The following RBBP5 variants were observed in gnomAD, a reference collection of about 807,000 sequenced individuals.
The protein encoded by RBBP5 is RB binding protein 5, histone lysine methyltransferase complex subunit.
In RBBP5, 5 loss-of-function variants were observed where a neutral mutation model predicts 72.2. The observed-to-expected ratio is 0.07, with a 90% CI of 0.04 to 0.15. The LOEUF is 0.15. Among genes scored for constraint, RBBP5 ranks in the 10% least tolerant of loss-of-function variants. The probability of loss-of-function intolerance (pLI) is 1.00; values close to 1 mark genes in which losing one functional copy is unlikely to be tolerated. For synonymous variants in RBBP5, 209 were observed against 237.2 expected (o/e 0.88, Z 1.09); for missense variants, 322 against 652.2 (o/e 0.49, Z 5.51).
chr1:205,121,593 G>T (rs906017885), intron 1 of RBBP5, among the ~76,000 whole-genome samples: 5 of 152,078 alleles, frequency 3.3e-5, no homozygotes, highest in Non-Finnish European at 7.4e-5. Context: ...CAACACCTGC[G>T]ATCCTCATAA....
chr1:205,117,426 T>C (rs61822615), intron 1 of RBBP5, among the ~76,000 whole-genome samples: 151,792 of 151,808 alleles, frequency 1, 75,888 homozygotes, highest in Middle Eastern at 1. Flanking sequence ...TTTGGGAAGC[T>C]GAGGCAGGTG....
chr1:205,113,053 A>G (rs1656380185), intron 3 of RBBP5, among the ~76,000 whole-genome samples: 1 of 152,108 alleles, frequency 6.6e-6, no homozygotes, highest in Non-Finnish European at 1.5e-5. Flanking sequence ...TCAAGGTTGC[A>G]GTGAACTGTG....
chr1:205,117,998 C>CGG (rs1243157687), intron 1 of RBBP5, among the ~76,000 whole-genome samples: 1 of 151,702 alleles, frequency 6.6e-6, no homozygotes, highest in Non-Finnish European at 1.5e-5. Flanking sequence ...TTAGTAGAGA[C>CGG]GGGGTTTCAC....
At chr1:205,121,652 T>A (rs1656740440) in intron 1 of RBBP5, among the ~76,000 whole-genome samples, 1 of 152,160 alleles carries the variant, frequency 6.6e-6, no homozygotes, top group South Asian at 2.1e-4. Flanking sequence ...ATAATTGATA[T>A]GAAAGTGGCC....
rs1444826269 is a variant in RBBP5 at position 205,099,385 on chromosome 1, A to G, written c.979-279T>C. The stretch of plus-strand genomic sequence containing the variant: ...AGGTAAAATGTTAAATTTTCTTGTA[A>G]GTACACTGATTACAAACATAATTTA... On this transcript the variant is annotated intron_variant, in intron 9 of 13. Transcript: ENST00000264515. The surrounding 1 kb of genome is among the most constrained non-coding windows in gnomAD (Gnocchi z 4.7). Among the ~76,000 whole-genome samples, 1 of 152,228 alleles carries G rather than the reference A, an allele frequency of 6.6e-6. No individual in the cohort carries two copies. Among genetic ancestry groups the G allele is most frequent in the Non-Finnish European group, 1.5e-5 (1 of 68,048 alleles).
At chr1:205,092,966 G>A (rs1655409322) in intron 13 of RBBP5, among the ~76,000 whole-genome samples, 1 of 152,174 alleles carries the variant, frequency 6.6e-6, no homozygotes, top group African/African-American at 2.4e-5. Flanking sequence ...AATTAATTAT[G>A]TTTGGCCACA....
chr1:205,097,411 A>G lies in RBBP5; in HGVS notation c.1097-16T>C. 1 of 1,551,786 alleles carries G rather than the reference A, an allele frequency of 6.4e-7. No homozygotes were observed. Among genetic ancestry groups the G allele is most frequent in the Non-Finnish European group, 8.7e-7 (1 of 1,146,858 alleles). ...GCATCAGCCCCTGCAGGACAGAAAC[A>G]CAGGAGATGTTTGAGAAGAAGTGAA... On this transcript the variant is annotated splice_polypyrimidine_tract_variant and intron_variant, in intron 10 of 13. Coordinates refer to ENST00000264515, the MANE Select transcript of RBBP5 (RefSeq NM_005057.4).
At chr1:205,093,339 T>A (rs1178494050) in intron 13 of RBBP5, among the ~76,000 whole-genome samples, 2 of 148,912 alleles carry the variant, frequency 1.3e-5, no homozygotes, top group African/African-American at 5.0e-5. Flanking sequence ...TGCACGCCTG[T>A]AATCCCAGCT....
At chr1:205,115,107 T>A in intron 2 of RBBP5, 146 bp from the exon 3 acceptor site, 1 of 792,800 alleles carries the variant, frequency 1.3e-6, no homozygotes, top group Non-Finnish European at 2.0e-6. Flanking sequence ...TTCTTATATC[T>A]ATTAAAATAG....
intron 1 of RBBP5, 69 bp from the exon 2 acceptor site, chr1:205,115,952 A>T (rs748914431): frequency 6.2e-7 from 1 of 1,613,692 alleles, no homozygotes; most frequent in Non-Finnish European, 8.5e-7. Flanking sequence ...ACTCACGAAC[A>T]GTGTATAGCA....
chr1:205,121,945 G>A lies in RBBP5; in HGVS notation c.-72C>T. 3.1e-6 allele frequency: 5 copies of A among 1,599,488 alleles called. No individual in the cohort carries two copies. The highest frequency in any genetic ancestry group is 1.1e-5 in the South Asian group (1 of 90,884). On this transcript the variant is annotated 5_prime_UTR_variant, in exon 1 of 14. Coordinates refer to ENST00000264515, the MANE Select transcript of RBBP5 (RefSeq NM_005057.4). ...TCTCCCCGGCCGGCTTCAGCAACTT[G>A]CGTCTAAGTGGTGGACGCCGCGAAG...
chr1:205,097,180 A>T, intron 11 of RBBP5, 146 bp downstream of exon 11: 3 of 825,698 alleles, frequency 3.6e-6, no homozygotes, highest in South Asian at 3.6e-5. Context: ...GAAAGGCTAC[A>T]TTGGATTTCT....
chr1:205,095,804 CAT>C (rs1276984109), intron 12 of RBBP5, among the ~76,000 whole-genome samples: 4 of 152,142 alleles, frequency 2.6e-5, no homozygotes, highest in African/African-American at 9.7e-5. Context: ...AGCAATGGTA[CAT>C]ATACCAAACA....
At chr1:205,115,983 G>T (rs1321171300) in intron 1 of RBBP5, 100 bp from the exon 2 acceptor site, 2 of 1,611,622 alleles carry the variant, frequency 1.2e-6, no homozygotes, top group Middle Eastern at 1.7e-4. Flanking sequence ...AAACGAAAAG[G>T]GGGATATGAT....
chr1:205,090,542 A>G (rs555217712), intron 13 of RBBP5, among the ~76,000 whole-genome samples: 2 of 152,348 alleles, frequency 1.3e-5, no homozygotes, highest in South Asian at 4.1e-4. Context: ...TATGAGCAAG[A>G]TAAGATACAC....
At chr1:205,121,191 T>G (rs1268035132) in intron 1 of RBBP5, among the ~76,000 whole-genome samples, 3 of 152,116 alleles carry the variant, frequency 2.0e-5, no homozygotes, top group East Asian at 3.9e-4. Flanking sequence ...GGACCTACAG[T>G]TTTTAAATAA....
intron 3 of RBBP5, among the ~76,000 whole-genome samples, chr1:205,114,382 T>C (rs1656441259): frequency 1.3e-5 from 2 of 152,238 alleles, no homozygotes; most frequent in South Asian, 4.1e-4. Context: ...AATAACTATA[T>C]TTCATTGAAG....
At chr1:205,115,336 T>G (rs1656478447) in intron 2 of RBBP5, among the ~76,000 whole-genome samples, 1 of 152,036 alleles carries the variant, frequency 6.6e-6, no homozygotes, top group Non-Finnish European at 1.5e-5. Flanking sequence ...ACAAAAAGAA[T>G]TTAAAAGAAT....
At position 205,099,190 on chromosome 1, in the gene RBBP5, G is replaced by A; in HGVS notation, c.979-84C>T. ...ATTAATGATAAAATGAAAGATGTGAGCATGAAAGGAATTCACAATTCTTAG... is the reference window on the plus strand; with the variant it reads ...ATTAATGATAAAATGAAAGATGTGAACATGAAAGGAATTCACAATTCTTAG... On this transcript the variant is annotated intron_variant, in intron 9 of 13. Transcript: ENST00000264515. The surrounding 1 kb of genome is among the most constrained non-coding windows in gnomAD (Gnocchi z 4.7). The A allele has an allele frequency of 3.6e-6, 3 of 836,930 alleles. No individual in the cohort carries two copies. Among genetic ancestry groups the A allele is most frequent in the Non-Finnish European group, 5.2e-6 (3 of 571,874 alleles). 51.8% of individuals were successfully genotyped at this position (836,930 alleles called of 1,614,324 possible). A position where few individuals can be genotyped will look rare whatever the true frequency, so the allele number is the denominator to read the frequency against.
Sources: allele counts gnomAD v4.1 joint callset (sites outside exome capture counted in the v4.1 genomes callset), GRCh38; gene constraint gnomAD v4.1.1; non-coding constraint Gnocchi (gnomAD v3.1); transcripts MANE v1.5; gene names NCBI Gene and HGNC (gene_info 2026-07-23, HGNC 2026-07-21).